Variants in APBB2 observed in about 807,000 individuals in gnomAD.
The protein encoded by APBB2 is Fe65-like 1.
In APBB2, 38 loss-of-function variants were observed where a neutral mutation model predicts 82.5. The ratio of observed to expected loss-of-function variants is 0.46; its 90% CI spans 0.36 to 0.60. APBB2 has a LOEUF of 0.60. Among genes scored for constraint, APBB2 ranks in the 20% least tolerant of loss-of-function variants. APBB2 has a pLI of 0.00. For missense variants in APBB2, 772 were observed against 972.3 expected, an observed-to-expected ratio of 0.79 and a Z score of 2.74; for synonymous variants, 341 against 368.2, an observed-to-expected ratio of 0.93 and a Z score of 0.85.
At chr4:41,196,393 T>C in intron 1 of APBB2, among the ~76,000 whole-genome samples, 1 of 152,236 alleles carries the variant, frequency 6.6e-6, no homozygotes, top group African/African-American at 2.4e-5. Flanking sequence ...ACATGCTGGA[T>C]GAATACATAG....
At chr4:41,122,276 A>G (rs1753066899) in intron 2 of APBB2, among the ~76,000 whole-genome samples, 1 of 152,186 alleles carries the variant, frequency 6.6e-6, no homozygotes, top group Admixed American at 6.5e-5. Flanking sequence ...AGGACAGTAC[A>G]AGTATCTTCA....
At chr4:41,068,617 A>G (rs1732742253) in intron 3 of APBB2, among the ~76,000 whole-genome samples, 1 of 152,130 alleles carries the variant, frequency 6.6e-6, no homozygotes, top group East Asian at 1.9e-4. Context: ...CAAGATAGAA[A>G]AGAGCATTTA....
intron 10 of APBB2, among the ~76,000 whole-genome samples, chr4:40,925,605 C>G (rs1024153953): frequency 2.0e-5 from 3 of 152,178 alleles, no homozygotes; most frequent in African/African-American, 7.2e-5. Context: ...AACTTCCACA[C>G]AGATCAGGAT....
intron 12 of APBB2, among the ~76,000 whole-genome samples, chr4:40,841,725 C>G (rs749706849): frequency 2.0e-5 from 3 of 152,138 alleles, no homozygotes; most frequent in Admixed American, 6.5e-5. Flanking sequence ...GTCACCCTGG[C>G]TGGAATGCAG....
At chr4:40,946,210 C>A (rs183209889) in intron 6 of APBB2, among the ~76,000 whole-genome samples, 2 of 119,348 alleles carry the variant, frequency 1.7e-5, no homozygotes, top group East Asian at 2.6e-4. Flanking sequence ...CCAGCCTGGG[C>A]GACAGAGTGA....
chr4:40,979,963 A>G (rs1266840251), intron 6 of APBB2, among the ~76,000 whole-genome samples: 1 of 152,216 alleles, frequency 6.6e-6, no homozygotes, highest in Non-Finnish European at 1.5e-5. Context: ...AAACTAATAT[A>G]AGACACCTAG....
intron 12 of APBB2, among the ~76,000 whole-genome samples, chr4:40,859,943 C>T (rs1762368298): frequency 6.6e-6 from 1 of 152,206 alleles, no homozygotes; most frequent in African/African-American, 2.4e-5. Flanking sequence ...GAATCTCAGC[C>T]CAAAAGTTGA....
chr4:41,022,691 C>T (rs1191547089), intron 5 of APBB2, among the ~76,000 whole-genome samples: 1 of 152,198 alleles, frequency 6.6e-6, no homozygotes, highest in African/African-American at 2.4e-5. Context: ...AGCACAGAGG[C>T]CTAGCACAGA....
intron 6 of APBB2, among the ~76,000 whole-genome samples, chr4:40,987,325 A>G (rs1488863698): frequency 6.6e-6 from 1 of 152,210 alleles, no homozygotes; most frequent in African/African-American, 2.4e-5. Flanking sequence ...ATACTTCAGC[A>G]TTTGGCAGAA....
intron 2 of APBB2, among the ~76,000 whole-genome samples, chr4:41,135,836 C>A (rs1757404039): frequency 6.6e-6 from 1 of 152,190 alleles, no homozygotes; most frequent in African/African-American, 2.4e-5. Context: ...GTTCCAGGCA[C>A]TCTTTTCTTT....
intron 2 of APBB2, among the ~76,000 whole-genome samples, chr4:41,107,400 G>A (rs1009353844): frequency 6.6e-6 from 1 of 152,136 alleles, no homozygotes; most frequent in African/African-American, 2.4e-5. Flanking sequence ...AATAATGGGG[G>A]AAACTCTTCT....
chr4:40,898,408 C>T (rs1774298938), intron 10 of APBB2, among the ~76,000 whole-genome samples: 1 of 152,070 alleles, frequency 6.6e-6, no homozygotes, highest in Non-Finnish European at 1.5e-5. Context: ...GGATTACAGG[C>T]ATGCGCCACC....
At chr4:40,837,674 G>A (rs1754435829) in intron 12 of APBB2, among the ~76,000 whole-genome samples, 5 of 152,212 alleles carry the variant, frequency 3.3e-5, no homozygotes, top group African/African-American at 7.2e-5. Flanking sequence ...CCATTTACAA[G>A]GCTAGGCCAG....
At chr4:41,076,994 G>A (rs1169076188) in intron 3 of APBB2, among the ~76,000 whole-genome samples, 1 of 107,504 alleles carries the variant, frequency 9.3e-6, no homozygotes, top group African/African-American at 3.7e-5. Flanking sequence ...AAAGATAAAA[G>A]GATAAAAATC....
At chr4:40,876,569 C>T (rs928565431) in intron 12 of APBB2, among the ~76,000 whole-genome samples, 1 of 152,132 alleles carries the variant, frequency 6.6e-6, no homozygotes, top group Non-Finnish European at 1.5e-5. Flanking sequence ...GTTCCAGGAC[C>T]CCCAACGATG....
chr4:40,814,200 A>C lies in APBB2; in HGVS notation c.*1892T>G, dbSNP rs948933032. The C allele has an allele frequency of 2.0e-5, 3 of 152,134 alleles. No homozygotes were observed. The highest frequency in any genetic ancestry group is 4.4e-5 in the Non-Finnish European group (3 of 68,014). The allele number at this position is 152,134 out of a possible 1,614,324, so 9.4% of individuals were successfully genotyped here. A position where few individuals can be genotyped will look rare whatever the true frequency, so the allele number is the denominator to read the frequency against. On this transcript the variant is annotated 3_prime_UTR_variant, in exon 18 of 18. Transcript: ENST00000508593. ...AATGTAGAATCCTGCCCTCTACAACACTTTTGAGGCACGCTGTAGGAAAAC... is the reference window on the plus strand; with the variant it reads ...AATGTAGAATCCTGCCCTCTACAACCCTTTTGAGGCACGCTGTAGGAAAAC...
At chr4:41,139,839 C>A (rs1423127124) in intron 2 of APBB2, among the ~76,000 whole-genome samples, 2 of 152,160 alleles carry the variant, frequency 1.3e-5, no homozygotes, top group African/African-American at 4.8e-5. Context: ...GGAAATACAA[C>A]TTATATATTT....
chr4:41,185,143 A>C (rs1187926446), intron 1 of APBB2, among the ~76,000 whole-genome samples: 1 of 152,238 alleles, frequency 6.6e-6, no homozygotes. Context: ...TGGATGAAGG[A>C]GAGCAGAAAG....
chr4:41,034,502 T>G (rs1179540212), intron 4 of APBB2, among the ~76,000 whole-genome samples: 2 of 152,180 alleles, frequency 1.3e-5, no homozygotes, highest in African/African-American at 2.4e-5. Flanking sequence ...TTTTTGTATT[T>G]TTAGTAGAAA....
Sources: gnomAD v4.1 joint callset for allele counts (sites outside exome capture counted in the v4.1 genomes callset) on GRCh38, gnomAD v4.1.1 for gene constraint, MANE v1.5 for transcripts, NCBI Gene and HGNC (gene_info 2026-07-23, HGNC 2026-07-21) for gene names.